Variants in ZNF892 observed in about 807,000 individuals in gnomAD.
ZNF892 encodes zinc finger protein 892.
At chr2:95,214,253 A>G in the ZNF892 span, 3 of 397,184 alleles carry the variant, frequency 7.6e-6, no homozygotes, top group Non-Finnish European at 1.3e-5. Context: ...TGAAACAAAC[A>G]TGTTTCATTA....
chr2:95,214,053 TTC>T, the ZNF892 span, among the ~76,000 whole-genome samples: 1 of 152,192 alleles, frequency 6.6e-6, no homozygotes, highest in African/African-American at 2.4e-5. Flanking sequence ...CTTAGTCTCA[TTC>T]TGTTATTTTT....
At chr2:95,232,090 A>G in the ZNF892 span, 3 of 152,178 alleles carry the variant, frequency 2.0e-5, no homozygotes, top group African/African-American at 7.2e-5. Flanking sequence ...GAGCTCCCAA[A>G]TCCAACATGT....
the ZNF892 span, among the ~76,000 whole-genome samples, chr2:95,239,447 T>C: frequency 2.6e-5 from 4 of 152,204 alleles, no homozygotes; most frequent in Non-Finnish European, 5.9e-5. Flanking sequence ...TACACAGATA[T>C]TTTGTGAAAG....
the ZNF892 span, among the ~76,000 whole-genome samples, chr2:95,226,021 A>G: frequency 6.6e-6 from 1 of 152,124 alleles, no homozygotes. Flanking sequence ...GGTGTTGCAC[A>G]CTGGTAGCTC....
At chr2:95,262,250 A>G in the ZNF892 span, among the ~76,000 whole-genome samples, 1 of 152,262 alleles carries the variant, frequency 6.6e-6, no homozygotes, top group East Asian at 1.9e-4. Flanking sequence ...GACAGGGAGA[A>G]TTTGCTTGGT....
the ZNF892 span, among the ~76,000 whole-genome samples, chr2:95,244,436 AT>A: frequency 6.6e-6 from 1 of 152,332 alleles, no homozygotes; most frequent in East Asian, 1.9e-4. Flanking sequence ...ACCAACAAAG[AT>A]TAAAAAAAAG....
At chr2:95,222,720 C>G in the ZNF892 span, among the ~76,000 whole-genome samples, 1 of 151,976 alleles carries the variant, frequency 6.6e-6, no homozygotes, top group African/African-American at 2.4e-5. Flanking sequence ...TTTTTATTCT[C>G]TTTTATTCAA....
At chr2:95,223,991 A>G in the ZNF892 span, among the ~76,000 whole-genome samples, 5 of 152,216 alleles carry the variant, frequency 3.3e-5, no homozygotes, top group Non-Finnish European at 7.3e-5. Flanking sequence ...CTCCTATGAA[A>G]GTGGCCCCAA....
chr2:95,260,917 G>A, the ZNF892 span, among the ~76,000 whole-genome samples: 2 of 152,214 alleles, frequency 1.3e-5, no homozygotes, highest in African/African-American at 4.8e-5. Flanking sequence ...AGTGGCTCAT[G>A]AATCCCAAAT....
the ZNF892 span, among the ~76,000 whole-genome samples, chr2:95,238,815 T>G: frequency 1.3e-5 from 2 of 152,144 alleles, no homozygotes; most frequent in African/African-American, 4.8e-5. Flanking sequence ...ATTGATGATA[T>G]GGCAGAGAGA....
At chr2:95,230,591 C>G in the ZNF892 span, among the ~76,000 whole-genome samples, 8 of 152,212 alleles carry the variant, frequency 5.3e-5, no homozygotes, top group Admixed American at 2.0e-4. Context: ...TGTCTCCCAG[C>G]ACTCAGCGAT....
chr2:95,238,337 GAAC>G, the ZNF892 span, among the ~76,000 whole-genome samples: 1 of 152,148 alleles, frequency 6.6e-6, no homozygotes, highest in African/African-American at 2.4e-5. Flanking sequence ...TCTATAAATG[GAAC>G]AACAAAGCCT....
At chr2:95,245,005 C>T in the ZNF892 span, among the ~76,000 whole-genome samples, 1 of 152,076 alleles carries the variant, frequency 6.6e-6, no homozygotes, top group Admixed American at 6.6e-5. Flanking sequence ...AACAAAGAGA[C>T]AACATACCAG....
chr2:95,235,344 C>T, the ZNF892 span, among the ~76,000 whole-genome samples: 1 of 150,826 alleles, frequency 6.6e-6, no homozygotes. Flanking sequence ...AGTTATAGCA[C>T]TGGATGTTCC....
the ZNF892 span, among the ~76,000 whole-genome samples, chr2:95,214,176 A>G: frequency 6.6e-6 from 1 of 152,090 alleles, no homozygotes; most frequent in East Asian, 1.9e-4. Context: ...TGTTCTCTCA[A>G]GATTGCAAGA....
At chr2:95,239,540 G>A in the ZNF892 span, among the ~76,000 whole-genome samples, 2 of 151,928 alleles carry the variant, frequency 1.3e-5, no homozygotes, top group African/African-American at 2.4e-5. Context: ...AGAAACCACC[G>A]ACCTGATTAG....
At chr2:95,209,628 G>A in the ZNF892 span, among the ~76,000 whole-genome samples, 8 of 152,152 alleles carry the variant, frequency 5.3e-5, no homozygotes, top group African/African-American at 1.9e-4. Flanking sequence ...AAAACCATGG[G>A]AGAAAATGCC....
chr2:95,238,696 G>A, the ZNF892 span, among the ~76,000 whole-genome samples: 3 of 152,198 alleles, frequency 2.0e-5, no homozygotes, highest in Admixed American at 6.5e-5. Context: ...AAGAACATTC[G>A]TGATTCATGA....
the ZNF892 span, chr2:95,207,611 G>C: frequency 3.1e-5 from 12 of 390,466 alleles, no homozygotes; most frequent in Admixed American, 4.4e-5. Flanking sequence ...TGTGTGGCTG[G>C]AGGTCGAACC....
Sources: allele counts gnomAD v4.1 joint callset (sites outside exome capture counted in the v4.1 genomes callset), GRCh38; gene constraint gnomAD v4.1.1; transcripts MANE v1.5; gene names NCBI Gene and HGNC (gene_info 2026-07-23, HGNC 2026-07-21).